Variants in NRP2 observed in about 807,000 individuals in gnomAD.
NRP2 encodes neuropilin-2.
In NRP2, 52 loss-of-function variants were observed where a neutral mutation model predicts 110.4. That is an observed-to-expected ratio of 0.47 (90% CI 0.38 to 0.59). The LOEUF is 0.59. NRP2 is among the 20% of genes least tolerant of loss of function. NRP2 has a pLI of 0.00. For missense variants in NRP2, 1,049 were observed against 1,203.0 expected (o/e 0.87, Z 1.89); for synonymous variants, 508 against 468.9 (o/e 1.08, Z -1.08).
chr2:205,780,307 G>A (rs2058159899), intron 15 of NRP2, among the ~76,000 whole-genome samples: 1 of 152,188 alleles, frequency 6.6e-6, no homozygotes, highest in Non-Finnish European at 1.5e-5. Context: ...TGTGGACATA[G>A]AACTATCAGA....
chr2:205,713,605 T>C (rs1411362043), intron 2 of NRP2, among the ~76,000 whole-genome samples: 1 of 152,248 alleles, frequency 6.6e-6, no homozygotes, highest in Non-Finnish European at 1.5e-5. Flanking sequence ...TTTTAAAACA[T>C]ACTTTTAAAA....
chr2:205,694,288 T>G (rs1391753969), intron 1 of NRP2, among the ~76,000 whole-genome samples: 2 of 152,242 alleles, frequency 1.3e-5, no homozygotes, highest in East Asian at 3.8e-4. Flanking sequence ...CAGAACTTGG[T>G]GACTTCAGAA....
Position 205,765,413 on chromosome 2 carries a change from C to A in NRP2, c.2308-61C>A, listed in dbSNP as rs2057898646. Reference sequence around the variant, plus strand: ...CTGCAGCTAACAGAAACTTGGAAATCCTTGCACCGTTTGGACTAGGAGACT... The same window carrying A: ...CTGCAGCTAACAGAAACTTGGAAATACTTGCACCGTTTGGACTAGGAGACT... On this transcript the variant is annotated intron_variant, in intron 13 of 16. Coordinates refer to ENST00000357785, the MANE Select transcript of NRP2 (RefSeq NM_003872.3). 3.5e-6 allele frequency: 5 copies of A among 1,423,304 alleles called. No homozygotes were observed. In the African/African-American group the frequency reaches 5.6e-5, roughly 16 times the overall value. The allele number at this position is 1,423,304 out of a possible 1,614,324, so 88.2% of individuals were successfully genotyped here.
In NRP2 at chr2:205,788,315, T is replaced by G. The variant is rs989842775; in HGVS notation, c.2426-3920T>G. Reference sequence around the variant, plus strand: ...GCAGTAGCTACTGTGCCCACTTGATTACTCAAGCTCTGTAAAACCCCTTCC... The same window carrying G: ...GCAGTAGCTACTGTGCCCACTTGATGACTCAAGCTCTGTAAAACCCCTTCC... On this transcript the variant is annotated intron_variant, in intron 15 of 16. Coordinates refer to ENST00000357785, the MANE Select transcript of NRP2 (RefSeq NM_003872.3). 3.3e-5 allele frequency among the ~76,000 whole-genome samples: 5 copies of G among 152,294 alleles called. No individual in the cohort carries two copies. In the East Asian group the frequency reaches 9.7e-4, roughly 29 times the overall value.
intron 3 of NRP2, 149 bp downstream of exon 3, chr2:205,716,523 T>C (rs1049360552): frequency 1.0e-5 from 5 of 477,866 alleles, no homozygotes; most frequent in Non-Finnish European, 1.7e-5. Context: ...ACAAACATCA[T>C]GAGAAGAAGA....
intron 15 of NRP2, among the ~76,000 whole-genome samples, chr2:205,769,501 T>TACACACACAC (rs1487457755): frequency 9.2e-5 from 5 of 54,102 alleles, no homozygotes; most frequent in Non-Finnish European, 1.9e-4. Context: ...TGTATATACA[T>TACACACACAC]ACATACACAC....
chr2:205,735,563 A>G (rs981527203), intron 7 of NRP2, among the ~76,000 whole-genome samples: 1 of 102,950 alleles, frequency 9.7e-6, no homozygotes, highest in Non-Finnish European at 2.1e-5. Context: ...TATATTGTCC[A>G]TGCCTTGTGG....
At chr2:205,788,420 G>A (rs948059502) in intron 15 of NRP2, among the ~76,000 whole-genome samples, 16 of 152,140 alleles carry the variant, frequency 1.1e-4, no homozygotes, top group East Asian at 1.9e-4. Flanking sequence ...GTTGGAGATC[G>A]GGAAGGCAGA....
chr2:205,765,408 G>T, intron 13 of NRP2, 66 bp from the exon 14 acceptor site: 1 of 1,385,038 alleles, frequency 7.2e-7, no homozygotes, highest in South Asian at 1.2e-5. Flanking sequence ...CAGAAACTTG[G>T]AAATCCTTGC....
rs200533161 is a variant in NRP2 at position 205,749,768 on chromosome 2, C to T, written c.1830C>T (p.Ser610=). 9.3e-6 allele frequency: 15 copies of T among 1,614,128 alleles called. No homozygotes were observed. The highest frequency in any genetic ancestry group is 6.6e-5 in the South Asian group (6 of 91,082). ...TVETLGPTVK[S]EETTTPYPTE... ...AGACGCTGGGACCCACTGTGAAGAG[C>T]GAAGAGACAACCACCCCCTACCCCA... Residue 610 remains serine (S), a synonymous_variant, in exon 11 of 17, where the codon AGC becomes AGT. Transcript: ENST00000357785.
intron 1 of NRP2, among the ~76,000 whole-genome samples, chr2:205,689,012 C>T (rs1187906510): frequency 6.6e-6 from 1 of 152,164 alleles, no homozygotes; most frequent in Non-Finnish European, 1.5e-5. Context: ...CCTGTGTGTA[C>T]AGGGAGTGGA....
At chr2:205,697,457 C>CACTG in intron 1 of NRP2, 87 bp from the exon 2 acceptor site, 1 of 1,203,996 alleles carries the variant, frequency 8.3e-7, no homozygotes, top group Non-Finnish European at 1.2e-6. Context: ...TTTAATCAGA[C>CACTG]ACTGGTACAG....
intron 7 of NRP2, among the ~76,000 whole-genome samples, chr2:205,736,819 A>G (rs1298731960): frequency 6.6e-6 from 1 of 152,224 alleles, no homozygotes; most frequent in African/African-American, 2.4e-5. Flanking sequence ...TTACCTTGCA[A>G]TGCCTAGACT....
chr2:205,760,953 G>A (rs971192374), intron 12 of NRP2: 1 of 152,282 alleles, frequency 6.6e-6, no homozygotes, highest in African/African-American at 2.4e-5. Context: ...CTAAAATCTG[G>A]TTTCCTTTAT....
In NRP2 at chr2:205,780,823, T is replaced by C. The variant is rs116662857; in HGVS notation, c.2426-11412T>C. Among the ~76,000 whole-genome samples the C allele has an allele frequency of 9.8e-3, 1,496 of 152,278 alleles. 16 individuals carry two copies. The highest frequency in any genetic ancestry group is 0.017 in the Non-Finnish European group (1,164 of 68,022). ...AGGAGACAGGCTTCCGGTTTTTAGA[T>C]CTTACAGGAAGTTCTGTTAGTACAG... On this transcript the variant is annotated intron_variant, in intron 15 of 16. Transcript: ENST00000357785.
At chr2:205,709,158 T>A (rs951898069) in intron 2 of NRP2, among the ~76,000 whole-genome samples, 5 of 152,212 alleles carry the variant, frequency 3.3e-5, no homozygotes, top group African/African-American at 1.2e-4. Flanking sequence ...AAGTTTGAAA[T>A]AAAATCTCGA....
intron 7 of NRP2, among the ~76,000 whole-genome samples, chr2:205,737,235 C>T (rs1410307251): frequency 6.6e-6 from 1 of 152,252 alleles, no homozygotes; most frequent in African/African-American, 2.4e-5. Context: ...AAAAAGTCCA[C>T]AGCCACCGTC....
At position 205,745,868 on chromosome 2, in the gene NRP2, G is replaced by C. The variant is rs774987439; in HGVS notation, c.1764G>C (p.Glu588Asp). ...WSPAGIGMRL[E>D]VLGCDWTDSK... ...CGGCGGGGATTGGGATGCGGCTGGA[G>C]GTGCTGGGCTGTGACTGGACAGGTA... The change falls in exon 10 of 17, where the codon GAG (glutamate) becomes GAC (aspartate). Residue 588 changes from glutamate (E) to aspartate (D), a missense_variant. Physicochemically the swap from Glu to Asp is conservative, Grantham distance 45. Coordinates refer to ENST00000357785, the MANE Select transcript of NRP2 (RefSeq NM_003872.3). 1 of 1,614,118 alleles carries C rather than the reference G, an allele frequency of 6.2e-7. No individual in the cohort carries two copies.
At chr2:205,792,360 T>C in intron 16 of NRP2, 75 bp downstream of exon 16, 1 of 1,086,674 alleles carries the variant, frequency 9.2e-7, no homozygotes, top group Non-Finnish European at 1.4e-6. Context: ...AAAATAATGC[T>C]CTGGGTATCG....
Sources: gnomAD v4.1 joint callset for allele counts (sites outside exome capture counted in the v4.1 genomes callset) on GRCh38, gnomAD v4.1.1 for gene constraint, MANE v1.5 for transcripts, NCBI Gene and HGNC (gene_info 2026-07-23, HGNC 2026-07-21) for gene names.